CALCRL: variants seen among roughly 807,000 people sequenced by gnomAD.
CALCRL encodes the protein calcitonin gene-related peptide type 1 receptor.
In CALCRL, 27 loss-of-function variants were observed where a neutral mutation model predicts 60.4. That is an observed-to-expected ratio of 0.45 (90% CI 0.33 to 0.62). CALCRL has a LOEUF of 0.62. Ranked by LOEUF, CALCRL falls within the 20% of genes least tolerant of loss-of-function variation. CALCRL has a pLI of 0.03. For synonymous variants in CALCRL, 190 were observed against 182.6 expected (o/e 1.04, Z -0.33); for missense variants, 424 against 540.7 (o/e 0.78, Z 2.14).
At chr2:187,367,312 G>C (rs190258122) in intron 8 of CALCRL, among the ~76,000 whole-genome samples, 166 of 152,092 alleles carry the variant, frequency 1.1e-3, no homozygotes, top group African/African-American at 3.9e-3. Flanking sequence ...ATTTCATTTT[G>C]TGTTGTGTAA....
intron 1 of CALCRL, among the ~76,000 whole-genome samples, chr2:187,412,421 TG>T (rs1689407038): frequency 6.6e-6 from 1 of 152,172 alleles, no homozygotes; most frequent in Admixed American, 6.5e-5. Context: ...GCATCTGACT[TG>T]GGCAACCTTT....
intron 14 of CALCRL, 77 bp from the exon 15 acceptor site, chr2:187,346,476 T>C: frequency 1.0e-6 from 1 of 972,296 alleles, no homozygotes; most frequent in Non-Finnish European, 1.5e-6. Flanking sequence ...TGAAGCACAA[T>C]TAAATAGGTC....
intron 14 of CALCRL, 58 bp downstream of exon 14, chr2:187,351,862 G>T: frequency 9.6e-7 from 1 of 1,040,390 alleles, no homozygotes; most frequent in Non-Finnish European, 1.4e-6. Context: ...TAAATACATG[G>T]ATAGATAGAC....
At chr2:187,426,119 T>C (rs188698391) in intron 1 of CALCRL, among the ~76,000 whole-genome samples, 1 of 150,408 alleles carries the variant, frequency 6.6e-6, no homozygotes, top group Admixed American at 6.6e-5. Flanking sequence ...ACTCATTATA[T>C]AGAAAAAAAA....
At chr2:187,445,652 C>G (rs1020735919) in intron 1 of CALCRL, among the ~76,000 whole-genome samples, 18 of 151,500 alleles carry the variant, frequency 1.2e-4, no homozygotes, top group African/African-American at 4.1e-4. Flanking sequence ...TTATCAAATA[C>G]TTTGTCCACA....
At chr2:187,363,114 T>A (rs1366638483) in intron 9 of CALCRL, among the ~76,000 whole-genome samples, 1 of 152,126 alleles carries the variant, frequency 6.6e-6, no homozygotes, top group Non-Finnish European at 1.5e-5. Flanking sequence ...ATTACACTTT[T>A]TTATGTTCAC....
intron 8 of CALCRL, among the ~76,000 whole-genome samples, chr2:187,363,716 G>C (rs1445741098): frequency 1.3e-5 from 2 of 152,106 alleles, no homozygotes; most frequent in Non-Finnish European, 1.5e-5. Context: ...AGAAGAGGTA[G>C]ATATACATAG....
chr2:187,430,933 A>T (rs867415510), intron 1 of CALCRL, among the ~76,000 whole-genome samples: 5 of 152,048 alleles, frequency 3.3e-5, no homozygotes, highest in Admixed American at 3.3e-4. Flanking sequence ...ATATATACAT[A>T]TAATATATGA....
intron 8 of CALCRL, among the ~76,000 whole-genome samples, chr2:187,368,564 A>G (rs1483231999): frequency 1.3e-5 from 2 of 152,086 alleles, no homozygotes; most frequent in Non-Finnish European, 2.9e-5. Context: ...ATATTATAGT[A>G]CTTCATCTTC....
intron 1 of CALCRL, among the ~76,000 whole-genome samples, chr2:187,411,429 G>A (rs147912446): frequency 3.7e-4 from 56 of 152,100 alleles, no homozygotes; most frequent in African/African-American, 1.3e-3. Context: ...AGCAGATCCC[G>A]TATCCAACAG....
intron 1 of CALCRL, among the ~76,000 whole-genome samples, chr2:187,437,269 A>G (rs1376543004): frequency 1.3e-5 from 2 of 152,176 alleles, no homozygotes; most frequent in Non-Finnish European, 2.9e-5. Context: ...TAGGCCGGGC[A>G]CTGTGGCTCA....
chr2:187,349,646 G>A (rs1393380692), intron 14 of CALCRL, among the ~76,000 whole-genome samples: 2 of 151,582 alleles, frequency 1.3e-5, no homozygotes, highest in African/African-American at 4.8e-5. Flanking sequence ...GAAAGATTTG[G>A]GAACAACCTA....
chr2:187,371,731 A>AT lies in CALCRL; in HGVS notation c.500+7208dup, dbSNP rs11296466. Among the ~76,000 whole-genome samples the AT allele has an allele frequency of 1.3e-3, 191 of 149,908 alleles. 2 individuals carry two copies. The highest frequency in any genetic ancestry group is 2.5e-3 in the Admixed American group (38 of 15,032). ...AGCCTGGGCGACAGAGCAAGACTCC[A>AT]TTTTTTTTTTTTAAAGAAAAGATTA... On this transcript the variant is annotated intron_variant, in intron 8 of 14. Transcript: ENST00000392370.
chr2:187,408,395 T>C (rs1349696241), intron 1 of CALCRL, among the ~76,000 whole-genome samples: 1 of 152,076 alleles, frequency 6.6e-6, no homozygotes, highest in South Asian at 2.1e-4. Flanking sequence ...CAGTATATAT[T>C]AAAGTTTATT....
intron 12 of CALCRL, among the ~76,000 whole-genome samples, chr2:187,356,791 T>C (rs184201916): frequency 7.0e-4 from 107 of 152,128 alleles, no homozygotes; most frequent in African/African-American, 2.5e-3. Flanking sequence ...ACAAAGAACT[T>C]AAACAAATTT....
chr2:187,415,604 A>G (rs1689567475), intron 1 of CALCRL: 4 of 582,426 alleles, frequency 6.9e-6, no homozygotes, highest in Middle Eastern at 4.8e-4. Context: ...CCTGCCAATT[A>G]TGATGACGTC....
chr2:187,362,501 C>A (rs563847392), intron 9 of CALCRL, among the ~76,000 whole-genome samples: 1 of 151,926 alleles, frequency 6.6e-6, no homozygotes, highest in Non-Finnish European at 1.5e-5. Flanking sequence ...TTTATTGACC[C>A]ACTTGGTAAA....
At chr2:187,428,728 C>T (rs1000284025) in intron 1 of CALCRL, 1 of 152,136 alleles carries the variant, frequency 6.6e-6, no homozygotes, top group Non-Finnish European at 1.5e-5. Flanking sequence ...CCCATCTCTA[C>T]TAAAAATACA....
intron 1 of CALCRL, among the ~76,000 whole-genome samples, chr2:187,394,029 G>A (rs13430432): frequency 0.041 from 6,303 of 152,094 alleles, 422 homozygotes; most frequent in African/African-American, 0.14. Flanking sequence ...GTTATCTTGA[G>A]TTATCCAGGT....
Sources: allele counts gnomAD v4.1 joint callset (sites outside exome capture counted in the v4.1 genomes callset), GRCh38; gene constraint gnomAD v4.1.1; transcripts MANE v1.5; gene names NCBI Gene and HGNC (gene_info 2026-07-23, HGNC 2026-07-21).